TRPM3: variants seen among roughly 807,000 people sequenced by gnomAD.
TRPM3 encodes the protein transient receptor potential cation channel subfamily M member 3.
Under a neutral mutation model 181.2 loss-of-function variants are expected in TRPM3, and 77 were observed. That is an observed-to-expected ratio of 0.42 (90% confidence interval 0.35 to 0.51). The LOEUF is 0.51. Among genes scored for constraint, TRPM3 ranks in the 20% least tolerant of loss-of-function variants. The pLI is 0.01. For synonymous variants in TRPM3, 745 were observed against 796.4 expected (o/e 0.94, Z 1.09); for missense variants, 1,759 against 2,196.7 (o/e 0.80, Z 3.98).
At chr9:71,353,052 T>G (rs1231072797) in intron 1 of TRPM3, among the ~76,000 whole-genome samples, 1 of 152,152 alleles carries the variant, frequency 6.6e-6, no homozygotes, top group Non-Finnish European at 1.5e-5. Flanking sequence ...GCAGCCAGAT[T>G]GGCACCAGCC....
At chr9:71,188,134 T>G (rs934738087) in intron 1 of TRPM3, among the ~76,000 whole-genome samples, 6 of 151,918 alleles carry the variant, frequency 3.9e-5, no homozygotes, top group Non-Finnish European at 2.9e-5. Flanking sequence ...AATACACTTC[T>G]GGAAGGAGAC....
At chr9:71,301,955 T>C (rs751985587) in intron 1 of TRPM3, among the ~76,000 whole-genome samples, 11 of 152,136 alleles carry the variant, frequency 7.2e-5, no homozygotes, top group Admixed American at 3.3e-4. Flanking sequence ...AATCTGATTA[T>C]CCTCCTTCAA....
chr9:71,299,393 A>G (rs2086574863), intron 1 of TRPM3, among the ~76,000 whole-genome samples: 1 of 152,096 alleles, frequency 6.6e-6, no homozygotes, highest in Non-Finnish European at 1.5e-5. Context: ...CTCTCCTACT[A>G]TATCTGTATT....
intron 8 of TRPM3, among the ~76,000 whole-genome samples, chr9:70,682,235 G>A (rs2065641853): frequency 6.6e-6 from 1 of 152,080 alleles, no homozygotes; most frequent in Admixed American, 6.6e-5. Flanking sequence ...TTAAAAATAT[G>A]TTACCTTCCA....
intron 1 of TRPM3, among the ~76,000 whole-genome samples, chr9:70,878,292 C>T (rs1331275112): frequency 1.3e-5 from 2 of 152,036 alleles, no homozygotes; most frequent in Admixed American, 1.3e-4. Context: ...AGAAGCATAG[C>T]TGTGGAGTTA....
At chr9:71,158,984 C>T (rs541953436) in intron 1 of TRPM3, among the ~76,000 whole-genome samples, 5 of 152,170 alleles carry the variant, frequency 3.3e-5, no homozygotes, top group African/African-American at 4.8e-5. Flanking sequence ...ACCATCAGTG[C>T]TCTGCGCCTC....
At chr9:71,159,198 T>C (rs2076158220) in intron 1 of TRPM3, among the ~76,000 whole-genome samples, 1 of 152,114 alleles carries the variant, frequency 6.6e-6, no homozygotes, top group Non-Finnish European at 1.5e-5. Flanking sequence ...TATGTATGTG[T>C]CCAATTGGTT....
rs552940479 is a variant in TRPM3, at chr9:70,779,089, C to A, written c.1148+5016G>T. ...TCAGCTAATCAAGTAATGTAGGGAC[C>A]CTTATTAAACATCCTTTAAACAGGA... On this transcript the variant is annotated intron_variant, in intron 7 of 25. Coordinates refer to ENST00000677713, the MANE Select transcript of TRPM3 (RefSeq NM_001366145.2). Among the ~76,000 whole-genome samples, 3 of 152,040 alleles carry A rather than the reference C, an allele frequency of 2.0e-5. No individual in the cohort carries two copies. The East Asian group carries it at 5.8e-4, about 29-fold the overall frequency.
At chr9:71,377,362 G>A (rs1467302002) in intron 1 of TRPM3, among the ~76,000 whole-genome samples, 3 of 151,910 alleles carry the variant, frequency 2.0e-5, no homozygotes, top group Non-Finnish European at 4.4e-5. Context: ...TTACAAGAAG[G>A]GATCAGCCAC....
intron 1 of TRPM3, among the ~76,000 whole-genome samples, chr9:71,444,177 CA>C (rs34011806): frequency 0.11 from 12,461 of 112,654 alleles, 548 homozygotes; most frequent in East Asian, 0.24. Context: ...GAATACATCT[CA>C]AAAAAAAAAA....
chr9:71,359,313 G>C (rs1395914990), intron 1 of TRPM3, among the ~76,000 whole-genome samples: 3 of 152,240 alleles, frequency 2.0e-5, no homozygotes, highest in Non-Finnish European at 4.4e-5. Flanking sequence ...ATGCATGCAC[G>C]TGTTCACACA....
At chr9:70,675,228 G>A (rs376958188) in intron 9 of TRPM3, among the ~76,000 whole-genome samples, 1 of 152,090 alleles carries the variant, frequency 6.6e-6, no homozygotes, top group East Asian at 1.9e-4. Context: ...AGCCTCCCAA[G>A]TAGCTGGGAC....
intron 22 of TRPM3, chr9:70,579,593 G>C (rs1206276740): frequency 1.3e-5 from 2 of 152,210 alleles, no homozygotes; most frequent in East Asian, 3.8e-4. Context: ...GAAGGGGAGA[G>C]ATGGGGTTTG....
chr9:71,195,565 T>C (rs2078298205), intron 1 of TRPM3, among the ~76,000 whole-genome samples: 1 of 152,162 alleles, frequency 6.6e-6, no homozygotes, highest in East Asian at 1.9e-4. Context: ...CTCAAAGAGC[T>C]AAAAATAGAA....
intron 1 of TRPM3, among the ~76,000 whole-genome samples, chr9:70,981,932 T>G (rs2097368494): frequency 6.6e-6 from 1 of 152,220 alleles, no homozygotes; most frequent in African/African-American, 2.4e-5. Flanking sequence ...TTAGGAGGTT[T>G]ATAAAATGTT....
intron 1 of TRPM3, among the ~76,000 whole-genome samples, chr9:71,177,946 A>G (rs1003174283): frequency 1.3e-5 from 2 of 151,952 alleles, no homozygotes; most frequent in Non-Finnish European, 2.9e-5. Flanking sequence ...AAAAAAAAAA[A>G]AAGCTTCTAA....
At chr9:71,056,427 G>A (rs974922094) in intron 1 of TRPM3, among the ~76,000 whole-genome samples, 1 of 151,942 alleles carries the variant, frequency 6.6e-6, no homozygotes, top group Non-Finnish European at 1.5e-5. Context: ...TAAAGATTAG[G>A]CTTCTTATGT....
intron 24 of TRPM3, among the ~76,000 whole-genome samples, chr9:70,551,807 A>T (rs1181256562): frequency 6.6e-6 from 1 of 152,108 alleles, no homozygotes; most frequent in African/African-American, 2.4e-5. Context: ...GGTTTATTTC[A>T]TAGGTCATCC....
chr9:71,396,289 A>G (rs1033680549), intron 1 of TRPM3, among the ~76,000 whole-genome samples: 1 of 134,986 alleles, frequency 7.4e-6, no homozygotes, highest in African/African-American at 2.7e-5. Flanking sequence ...ACAAACAAAA[A>G]AAGTGCTATT....
Sources: allele counts gnomAD v4.1 joint callset (sites outside exome capture counted in the v4.1 genomes callset), GRCh38; gene constraint gnomAD v4.1.1; transcripts MANE v1.5; gene names NCBI Gene and HGNC (gene_info 2026-07-23, HGNC 2026-07-21).